Variants in PRELP observed in about 807,000 individuals in gnomAD.
PRELP encodes the protein proline and arginine rich end leucine rich repeat protein.
A neutral mutation model predicts 22.8 loss-of-function variants in PRELP; 16 were observed. The ratio of observed to expected loss-of-function variants is 0.70; its 90% CI spans 0.47 to 1.06. The LOEUF (loss-of-function observed/expected upper bound fraction) is 1.06, where lower values mean the gene tolerates loss of function less well. PRELP is among the 50% of genes least tolerant of loss of function. The probability of loss-of-function intolerance (pLI) is 0.00; values close to 1 mark genes in which losing one functional copy is unlikely to be tolerated. For missense variants in PRELP, 434 were observed against 485.2 expected (o/e 0.89, Z 0.99); for synonymous variants, 233 against 211.4 (o/e 1.10, Z -0.89).
intron 2 of PRELP, 71 bp from the exon 3 acceptor site, chr1:203,486,635 C>G: frequency 1.8e-5 from 25 of 1,410,366 alleles, no homozygotes; most frequent in Non-Finnish European, 2.2e-5. Flanking sequence ...CGGGTGTCTT[C>G]CCCCTTCCCC....
At position 203,487,108 on chromosome 1, in the gene PRELP, A is replaced by C; in HGVS notation, c.*227A>C. 2 of 494,374 alleles carry C rather than the reference A, an allele frequency of 4.0e-6. No individual in the cohort carries two copies. Among genetic ancestry groups the C allele is most frequent in the Admixed American group, 7.0e-5 (2 of 28,370 alleles). 30.6% of individuals were successfully genotyped at this position (494,374 alleles called of 1,614,324 possible). On this transcript the variant is annotated 3_prime_UTR_variant, in exon 3 of 3. Transcript: ENST00000343110. ...TTGAAAGACACCCAGTGCACACCCA[A>C]ACTCCTGGCCTTCTGTGGTTTCCCT...
rs779989216 is a variant in PRELP at position 203,483,368 on chromosome 1, C to G, written c.184C>G (p.Leu62Val). Residue 62 changes from leucine to valine, a missense_variant, in exon 2 of 3, where the codon CTC becomes GTC. By Grantham distance (32) the Leu-to-Val change is conservative. Coordinates refer to ENST00000343110, the MANE Select transcript of PRELP (RefSeq NM_002725.4). This position sits in a 1 kb window ranked among gnomAD's most constrained non-coding sequence, Gnocchi z 4.4. Reference protein sequence around the residue: ...PAEPTDLPPPLPPGPPSIFPD... With the variant: ...PAEPTDLPPPVPPGPPSIFPD... ...AGAGCCAACAGACCTGCCTCCTCCC[C>G]TCCCTCCAGGCCCTCCATCTATCTT... The G allele has an allele frequency of 6.2e-7, 1 of 1,614,178 alleles. No homozygotes were observed. Among genetic ancestry groups the G allele is most frequent in the South Asian group, 1.1e-5 (1 of 91,084 alleles).
In PRELP at chr1:203,483,238, C is replaced by T; in HGVS notation, c.54C>T (p.Ala18=). 1 of 1,590,864 alleles carries T rather than the reference C, an allele frequency of 6.3e-7. No homozygotes were observed. Among genetic ancestry groups the T allele is most frequent in the Non-Finnish European group, 8.5e-7 (1 of 1,171,338 alleles). The change falls in exon 2 of 3, where the codon GCC becomes GCT. Residue 18 remains alanine (A), a synonymous_variant. Transcript: ENST00000343110. This position sits in a 1 kb window ranked among gnomAD's most constrained non-coding sequence, Gnocchi z 4.4. ...CACTTCTCATCTTGGCCTCAGTGGC[C>T]CAAGGCCAGCCAACAAGACGACCAA... The part of the protein sequence containing the change: ...LLPLLILASV[A]QGQPTRRPRP...
rs757746025 is a variant in PRELP at position 203,484,147 on chromosome 1, T to C, written c.963T>C (p.Asn321=). 1.9e-6 allele frequency: 2 copies of C among 1,034,800 alleles called. No individual in the cohort carries two copies. Among genetic ancestry groups the C allele is most frequent in the Admixed American group, 1.8e-5 (1 of 56,464 alleles). The allele number at this position is 1,034,800 out of a possible 1,614,324, so 64.1% of individuals were successfully genotyped here. A position where few individuals can be genotyped will look rare whatever the true frequency, so the allele number is the denominator to read the frequency against. The change falls in exon 2 of 3, where the codon AAT becomes AAC. Residue 321 remains asparagine, a synonymous_variant. Coordinates refer to ENST00000343110, the MANE Select transcript of PRELP (RefSeq NM_002725.4). ...NRLEHLYLNN[N]SIEKINGTQI... ...TGGAACACCTGTACCTCAACAACAATAGCATCGAGAGTGAGTGGGGTGGGC... is the reference window on the plus strand; with the variant it reads ...TGGAACACCTGTACCTCAACAACAACAGCATCGAGAGTGAGTGGGGTGGGC...
chr1:203,483,499 T>A lies in PRELP; in HGVS notation c.315T>A (p.His105Gln). The A allele has an allele frequency of 1.2e-6, 2 of 1,614,094 alleles. No homozygotes were observed. Among genetic ancestry groups the A allele is most frequent in the Non-Finnish European group, 1.7e-6 (2 of 1,180,010 alleles). Reference protein sequence around the residue: ...RKVPVIPPRIHYLYLQNNFIT... With the variant: ...RKVPVIPPRIQYLYLQNNFIT... ...TCCCTGTCATCCCGCCCCGCATCCATTACCTCTATCTCCAGAACAACTTCA... is the reference window on the plus strand; with the variant it reads ...TCCCTGTCATCCCGCCCCGCATCCAATACCTCTATCTCCAGAACAACTTCA... Residue 105 changes from histidine (H) to glutamine (Q), a missense_variant, in exon 2 of 3, where the codon CAT becomes CAA. By Grantham distance (24) the His-to-Gln change is conservative. Coordinates refer to ENST00000343110, the MANE Select transcript of PRELP (RefSeq NM_002725.4). This position sits in a 1 kb window ranked among gnomAD's most constrained non-coding sequence, Gnocchi z 4.4.
chr1:203,483,955 C>G lies in PRELP; in HGVS notation c.771C>G (p.Ile257Met). 1 of 1,614,244 alleles carries G rather than the reference C, an allele frequency of 6.2e-7. No homozygotes were observed. The highest frequency in any genetic ancestry group is 8.5e-7 in the Non-Finnish European group (1 of 1,180,036). ...LYLDSNKIET[I>M]PNGYFKSFPN... is the part of the protein sequence containing the mutation. Reference sequence around the variant, plus strand: ...TGGACAGTAACAAGATTGAGACCATCCCTAACGGATACTTCAAGAGCTTTC... The same window carrying G: ...TGGACAGTAACAAGATTGAGACCATGCCTAACGGATACTTCAAGAGCTTTC... The change falls in exon 2 of 3, where the codon ATC becomes ATG. Residue 257 changes from isoleucine (I) to methionine (M), a missense_variant. Physicochemically the swap from Ile to Met is conservative, Grantham distance 10. Transcript: ENST00000343110. This position sits in a 1 kb window ranked among gnomAD's most constrained non-coding sequence, Gnocchi z 4.4.
rs1346614597 is a variant in PRELP, at chr1:203,487,712, G to T, written c.*831G>T. The T allele has an allele frequency of 1.3e-5, 2 of 152,320 alleles. No individual in the cohort carries two copies. The highest frequency in any genetic ancestry group is 2.9e-5 in the Non-Finnish European group (2 of 68,106). 9.4% of individuals were successfully genotyped at this position (152,320 alleles called of 1,614,324 possible). ...CTGCGGCCCCCTTGCCCAACCTCGG[G>T]TTTAGGGAGGAGGGTTCACAGTGTT... On this transcript the variant is annotated 3_prime_UTR_variant, in exon 3 of 3. Coordinates refer to ENST00000343110, the MANE Select transcript of PRELP (RefSeq NM_002725.4).
intron 1 of PRELP, among the ~76,000 whole-genome samples, chr1:203,480,351 A>T (rs2102206284): frequency 6.6e-6 from 1 of 152,322 alleles, no homozygotes; most frequent in South Asian, 2.1e-4. Context: ...TTAAAAACAC[A>T]CACATGGACC....
At chr1:203,486,621 C>T in intron 2 of PRELP, 85 bp from the exon 3 acceptor site, 2 of 1,346,160 alleles carry the variant, frequency 1.5e-6, no homozygotes. Context: ...ACAGTCCTTG[C>T]TCTCGGGTGT....
At chr1:203,476,767 G>C (rs1558229874) in intron 1 of PRELP, among the ~76,000 whole-genome samples, 1 of 151,494 alleles carries the variant, frequency 6.6e-6, no homozygotes. Flanking sequence ...CTTTTGGAAA[G>C]AAAGAAGAAA....
intron 1 of PRELP, among the ~76,000 whole-genome samples, chr1:203,482,310 C>T (rs1661014549): frequency 6.6e-6 from 1 of 150,426 alleles, no homozygotes; most frequent in African/African-American, 2.5e-5. Flanking sequence ...AAGAGTTTTG[C>T]TCTTGTTGCC....
intron 1 of PRELP, among the ~76,000 whole-genome samples, chr1:203,476,450 G>C: frequency 6.6e-6 from 1 of 151,990 alleles, no homozygotes; most frequent in Non-Finnish European, 1.5e-5. Flanking sequence ...GACACCAGCA[G>C]ACACACACAC....
intron 1 of PRELP, among the ~76,000 whole-genome samples, chr1:203,476,325 C>T (rs942486129): frequency 4.6e-5 from 7 of 152,148 alleles, no homozygotes; most frequent in African/African-American, 9.7e-5. Flanking sequence ...ACACATCACA[C>T]GGAGGCTGCA....
rs1181590892 is a variant in PRELP at position 203,486,790 on chromosome 1, G to C, written c.1058G>C (p.Arg353Pro). The C allele has an allele frequency of 4.3e-6, 7 of 1,613,984 alleles. No homozygotes were observed. Among genetic ancestry groups the C allele is most frequent in the Non-Finnish European group, 5.1e-6 (6 of 1,180,004 alleles). ...GACCTGGAGAACGTGCCACACCTGCGCTACCTGCGGCTGGATGGAAACTAC... is the reference window on the plus strand; with the variant it reads ...GACCTGGAGAACGTGCCACACCTGCCCTACCTGCGGCTGGATGGAAACTAC... The part of the protein sequence containing the change: ...SSDLENVPHL[R>P]YLRLDGNYLK... The change falls in exon 3 of 3, where the codon CGC becomes CCC. Residue 353 changes from arginine (R) to proline (P), a missense_variant. Coordinates refer to ENST00000343110, the MANE Select transcript of PRELP (RefSeq NM_002725.4).
intron 1 of PRELP, among the ~76,000 whole-genome samples, chr1:203,481,157 G>C (rs969508425): frequency 1.3e-5 from 2 of 152,228 alleles, no homozygotes; most frequent in Non-Finnish European, 2.9e-5. Flanking sequence ...CCAGTGCTGG[G>C]AGCCTCCTTG....
At chr1:203,482,366 C>T (rs540504660) in intron 1 of PRELP, among the ~76,000 whole-genome samples, 15 of 151,650 alleles carry the variant, frequency 9.9e-5, no homozygotes, top group Non-Finnish European at 2.2e-4. Context: ...GCAACCTCCT[C>T]CTCCTGGGTT....
At chr1:203,476,941 A>G (rs1660921111) in intron 1 of PRELP, among the ~76,000 whole-genome samples, 1 of 68,614 alleles carries the variant, frequency 1.5e-5, no homozygotes, top group Admixed American at 1.4e-4. Flanking sequence ...GGCAGAGGAG[A>G]AAAAAAAAAA....
rs1163669370 is a variant in PRELP at position 203,483,335 on chromosome 1, G to T, written c.151G>T (p.Glu51Ter). The T allele has an allele frequency of 1.2e-6, 2 of 1,613,944 alleles. No individual in the cohort carries two copies. Among genetic ancestry groups the T allele is most frequent in the Non-Finnish European group, 1.7e-6 (2 of 1,180,006 alleles). Residue 51 changes from glutamate (E) to a stop codon, truncating the protein, a stop_gained, in exon 2 of 3, where the codon GAA becomes TAA. Coordinates refer to ENST00000343110, the MANE Select transcript of PRELP (RefSeq NM_002725.4). LOFTEE classifies it high-confidence loss of function. The surrounding 1 kb of genome is among the most constrained non-coding windows in gnomAD (Gnocchi z 4.4). ...RPTPSFPQPDEPAEPTDLPPP... is the reference protein window; with the variant it reads ...RPTPSFPQPD ...CACACCCAGCTTTCCTCAGCCTGATGAACCAGCAGAGCCAACAGACCTGCC... is the reference window on the plus strand; with the variant it reads ...CACACCCAGCTTTCCTCAGCCTGATTAACCAGCAGAGCCAACAGACCTGCC...
chr1:203,490,897 C>G lies in PRELP; in HGVS notation c.*4016C>G, dbSNP rs1232511695. 6.6e-6 allele frequency: 1 copy of G among 152,238 alleles called. No individual in the cohort carries two copies. Among genetic ancestry groups the G allele is most frequent in the Non-Finnish European group, 1.5e-5 (1 of 68,048 alleles). 9.4% of individuals were successfully genotyped at this position (152,238 alleles called of 1,614,324 possible). On this transcript the variant is annotated 3_prime_UTR_variant, in exon 3 of 3. Transcript: ENST00000343110. ...TGGATAATATACATAGCAGCACATCCTTGAGGAACTCATACCTTGGTAAAG... is the reference window on the plus strand; with the variant it reads ...TGGATAATATACATAGCAGCACATCGTTGAGGAACTCATACCTTGGTAAAG...
Sources: gnomAD v4.1 joint callset for allele counts (sites outside exome capture counted in the v4.1 genomes callset) on GRCh38, gnomAD v4.1.1 for gene constraint, Gnocchi (gnomAD v3.1) non-coding constraint, MANE v1.5 for transcripts, NCBI Gene and HGNC (gene_info 2026-07-23, HGNC 2026-07-21) for gene names.